Variants in PPFIA1 observed in about 807,000 individuals in gnomAD.
PPFIA1 encodes the protein liprin-alpha-1.
A neutral mutation model predicts 149.9 loss-of-function variants in PPFIA1; 25 were observed. The observed-to-expected ratio is 0.17, with a 90% CI of 0.12 to 0.23. The LOEUF (loss-of-function observed/expected upper bound fraction) is 0.23. Ranked by LOEUF, PPFIA1 falls within the 10% of genes least tolerant of loss-of-function variation. PPFIA1 has a pLI of 1.00. For missense variants in PPFIA1, 1,362 were observed against 1,506.5 expected, an observed-to-expected ratio of 0.90 and a Z score of 1.59; for synonymous variants, 549 against 552.8, an observed-to-expected ratio of 0.99 and a Z score of 0.10.
In PPFIA1 at chr11:70,330,303, A is replaced by C; in HGVS notation, c.1061A>C (p.Asp354Ala). Residue 354 changes from aspartate (D) to alanine (A), a missense_variant, in exon 8 of 28, where the codon GAT (aspartate) becomes GCT (alanine). Physicochemically the swap from Asp to Ala is moderately radical, Grantham distance 126. This residue lies in a region of PPFIA1 where 733 missense variants were observed against 744.1 expected (regional missense o/e 0.99). Coordinates refer to ENST00000253925, the MANE Select transcript of PPFIA1 (RefSeq NM_003626.5). The stretch of plus-strand genomic sequence containing the variant: ...CTTGAAAATGAAATTGCAAATAAAG[A>C]TTCTATGCATCGACAGGTAATGGAT... ...DKLENEIANK[D>A]SMHRQTEDKN... is the part of the protein sequence containing the mutation. 6.3e-7 allele frequency: 1 copy of C among 1,584,472 alleles called. No homozygotes were observed.
At position 70,348,343 on chromosome 11, in the gene PPFIA1, G is replaced by T; in HGVS notation, c.2086G>T (p.Gly696Cys). Reference protein sequence around the residue: ...ASSLASSSPPGSGRSTPRRIP... With the variant: ...ASSLASSSPPCSGRSTPRRIP... ...CTCGCTTGCTAGCTCCTCCCCTCCG[G>T]GCAGTGGGCGCTCCACCCCACGAAG... is the stretch of plus-strand genomic sequence containing the variant. The change falls in exon 16 of 28, where the codon GGC becomes TGC. Residue 696 changes from glycine to cysteine, a missense_variant. Physicochemically the swap from Gly to Cys is radical, Grantham distance 159. Around this residue, in one of 7 missense-constraint regions of PPFIA1, gnomAD observed 733 missense variants for 744.1 expected, o/e 0.99. Transcript: ENST00000253925. The T allele has an allele frequency of 6.2e-7, 1 of 1,614,138 alleles. No homozygotes were observed. The highest frequency in any genetic ancestry group is 1.1e-5 in the South Asian group (1 of 91,082).
chr11:70,361,646 C>T (rs924537513), intron 19 of PPFIA1, among the ~76,000 whole-genome samples: 13 of 150,644 alleles, frequency 8.6e-5, no homozygotes, highest in African/African-American at 3.2e-4. Flanking sequence ...GATAGGGTCT[C>T]ACTCTGTTGC....
chr11:70,284,192 C>A, intron 2 of PPFIA1: 1 of 408,304 alleles, frequency 2.4e-6, no homozygotes, highest in South Asian at 1.9e-5. Context: ...AGAATAAATA[C>A]TAATGACTGC....
At chr11:70,335,760 C>T in intron 11 of PPFIA1, 66 bp downstream of exon 11, 1 of 1,565,168 alleles carries the variant, frequency 6.4e-7, no homozygotes, top group Non-Finnish European at 8.8e-7. Flanking sequence ...CTCATCTGCC[C>T]CTGAGCAGGC....
intron 21 of PPFIA1, among the ~76,000 whole-genome samples, chr11:70,370,170 C>A (rs1005710421): frequency 2.6e-5 from 4 of 151,142 alleles, no homozygotes; most frequent in African/African-American, 9.7e-5. Context: ...AGGCTGGTCC[C>A]CTCTTTCATT....
At chr11:70,355,021 T>C (rs1361167773) in intron 17 of PPFIA1, among the ~76,000 whole-genome samples, 1 of 151,882 alleles carries the variant, frequency 6.6e-6, no homozygotes, top group Non-Finnish European at 1.5e-5. Context: ...ACCACAACCT[T>C]CACCTCCCGA....
At chr11:70,311,694 TAC>T (rs2053291604) in intron 2 of PPFIA1, among the ~76,000 whole-genome samples, 1 of 152,158 alleles carries the variant, frequency 6.6e-6, no homozygotes, top group Admixed American at 6.5e-5. Context: ...ATTTGATTGT[TAC>T]GGTTGTGGAC....
rs141943495 is a variant in PPFIA1, at chr11:70,272,299, A to C, written c.127A>C (p.Met43Leu). Residue 43 changes from methionine (M) to leucine (L), a missense_variant, in exon 2 of 28, where the codon ATG becomes CTG. By Grantham distance (15) the Met-to-Leu change is conservative (BLOSUM62 2). This residue lies in a region of PPFIA1 where 100 missense variants were observed against 106.2 expected (regional missense o/e 0.94). Transcript: ENST00000253925. Reference protein sequence around the residue: ...DSHFEQLMVSMLEERDRLLDT... With the variant: ...DSHFEQLMVSLLEERDRLLDT... Reference sequence around the variant, plus strand: ...ACATTTTGAACAGTTGATGGTCTCCATGCTAGAAGAAAGGGACCGCCTTCT... The same window carrying C: ...ACATTTTGAACAGTTGATGGTCTCCCTGCTAGAAGAAAGGGACCGCCTTCT... The C allele has an allele frequency of 6.2e-7, 1 of 1,614,092 alleles. No homozygotes were observed. Among genetic ancestry groups the C allele is most frequent in the Non-Finnish European group, 8.5e-7 (1 of 1,180,042 alleles).
intron 2 of PPFIA1, among the ~76,000 whole-genome samples, chr11:70,323,060 C>T (rs1360264361): frequency 1.3e-5 from 2 of 152,188 alleles, no homozygotes; most frequent in Non-Finnish European, 2.9e-5. Flanking sequence ...AGATTTGTTC[C>T]TACTCTGGAG....
chr11:70,377,100 A>C (rs958914321), intron 25 of PPFIA1, among the ~76,000 whole-genome samples: 1 of 152,028 alleles, frequency 6.6e-6, no homozygotes, highest in Non-Finnish European at 1.5e-5. Context: ...CCGCAAAAAA[A>C]AAACCCACAA....
chr11:70,378,821 A>G (rs2057590753), intron 26 of PPFIA1, among the ~76,000 whole-genome samples: 1 of 152,172 alleles, frequency 6.6e-6, no homozygotes, highest in Non-Finnish European at 1.5e-5. Context: ...GCAGTTTGGG[A>G]TTTTCCCTTA....
At chr11:70,379,471 A>AAT (rs1565471854) in intron 26 of PPFIA1, among the ~76,000 whole-genome samples, 1 of 150,590 alleles carries the variant, frequency 6.6e-6, no homozygotes, top group African/African-American at 2.4e-5. Flanking sequence ...AAAAAAAAAA[A>AAT]TTTTTTTTTA....
intron 13 of PPFIA1, 87 bp downstream of exon 13, chr11:70,338,540 C>G: frequency 9.2e-7 from 1 of 1,089,356 alleles, no homozygotes. Flanking sequence ...CTGGATGTGG[C>G]TAATGGTGTG....
In PPFIA1 at chr11:70,272,372, A is replaced by G. The variant is rs1316200223; in HGVS notation, c.200A>G (p.Lys67Arg). 1.9e-6 allele frequency: 3 copies of G among 1,614,094 alleles called. No individual in the cohort carries two copies. Among genetic ancestry groups the G allele is most frequent in the Non-Finnish European group, 2.5e-6 (3 of 1,180,038 alleles). ...TQETLALTQG[K>R]LHEVGHERDS... ...GAAACGCTGGCCTTAACCCAGGGGA[A>G]GTTACACGAGGTTGGTCATGAAAGA... is the stretch of plus-strand genomic sequence containing the variant. Residue 67 changes from lysine (K) to arginine (R), a missense_variant, in exon 2 of 28, where the codon AAG becomes AGG. This residue lies in a region of PPFIA1 where 100 missense variants were observed against 106.2 expected (regional missense o/e 0.94). Coordinates refer to ENST00000253925, the MANE Select transcript of PPFIA1 (RefSeq NM_003626.5).
intron 2 of PPFIA1, among the ~76,000 whole-genome samples, chr11:70,313,195 C>T (rs1456922691): frequency 6.6e-6 from 1 of 152,182 alleles, no homozygotes; most frequent in Non-Finnish European, 1.5e-5. Flanking sequence ...CCACTCTGAC[C>T]TCTCTTCTGT....
At chr11:70,289,979 C>G (rs573112037) in intron 2 of PPFIA1, among the ~76,000 whole-genome samples, 1 of 152,214 alleles carries the variant, frequency 6.6e-6, no homozygotes, top group South Asian at 2.1e-4. Flanking sequence ...CTTGTAATCC[C>G]ACACTTCGGG....
chr11:70,375,945 A>G (rs1247582539), intron 24 of PPFIA1, among the ~76,000 whole-genome samples: 1 of 152,136 alleles, frequency 6.6e-6, no homozygotes, highest in Non-Finnish European at 1.5e-5. Context: ...GCCCTGATTT[A>G]AAATATTATT....
intron 16 of PPFIA1, chr11:70,350,939 C>G (rs2056018518): frequency 4.6e-6 from 5 of 1,080,376 alleles, no homozygotes; most frequent in Non-Finnish European, 6.0e-6. Flanking sequence ...TTTTTAACTT[C>G]AAAGTGTATA....
chr11:70,358,284 CGATCCT>C (rs750701133), intron 19 of PPFIA1: 1 of 151,938 alleles, frequency 6.6e-6, no homozygotes, highest in Non-Finnish European at 1.5e-5. Flanking sequence ...TGCAATGGCA[CGATCCT>C]GGCTCACTGC....
Sources: gnomAD v4.1 joint callset for allele counts (sites outside exome capture counted in the v4.1 genomes callset) on GRCh38, gnomAD v4.1.1 for gene constraint, gnomAD v4.1.1 regional missense constraint, MANE v1.5 for transcripts, NCBI Gene and HGNC (gene_info 2026-07-23, HGNC 2026-07-21) for gene names.